Variants in IL1RAPL1 observed in about 807,000 individuals in gnomAD.
The protein encoded by IL1RAPL1 is interleukin 1 receptor accessory protein like 1, also known as interleukin-1 receptor accessory protein-like 1.
In IL1RAPL1, 3 loss-of-function variants were observed where a neutral mutation model predicts 48.4. The observed-to-expected ratio is 0.06, with a 90% CI of 0.03 to 0.16. The LOEUF (loss-of-function observed/expected upper bound fraction) is 0.16, where lower values mean the gene tolerates loss of function less well. IL1RAPL1 is among the 10% of genes least tolerant of loss of function. The pLI, the probability that IL1RAPL1 is intolerant of heterozygous loss-of-function variation, is 1.00. For missense variants in IL1RAPL1, 349 were observed against 530.6 expected, an observed-to-expected ratio of 0.66 and a Z score of 3.36; for synonymous variants, 185 against 187.7, an observed-to-expected ratio of 0.99 and a Z score of 0.12.
rs149514014 is a variant in IL1RAPL1 at position 29,314,227 on chromosome X, G to C, written c.362+31010G>C. ...TGGTTGAAGGTAGATATTTTTTATA[G>C]AGTTTTGAGGGGGTCTAGGTTCAAG... On this transcript the variant is annotated intron_variant, in intron 3 of 10. Transcript: ENST00000378993. 1.8e-4 allele frequency among the ~76,000 whole-genome samples: 20 copies of C among 111,955 alleles called. No homozygotes were observed. In the East Asian group the frequency reaches 5.1e-3, roughly 28 times the overall value.
At chrX:29,134,661 A>T (rs1790258408) in intron 2 of IL1RAPL1, among the ~76,000 whole-genome samples, 2 of 111,141 alleles carry the variant, frequency 1.8e-5, no homozygotes, top group African/African-American at 6.5e-5. Context: ...GTCTAGCATA[A>T]ATCCCTCAGG....
At chrX:29,827,329 T>C (rs1211784814) in intron 6 of IL1RAPL1, among the ~76,000 whole-genome samples, 2 of 112,609 alleles carry the variant, frequency 1.8e-5, no homozygotes, top group Non-Finnish European at 3.7e-5. Flanking sequence ...GAAGAACTTA[T>C]TCCACAAGAT....
At chrX:29,622,692 AT>A (rs1924497232) in intron 5 of IL1RAPL1, among the ~76,000 whole-genome samples, 2 of 111,213 alleles carry the variant, frequency 1.8e-5, no homozygotes, top group South Asian at 7.6e-4. Flanking sequence ...TCTGAAGAGT[AT>A]TTTTTTAATT....
At chrX:29,673,435 T>C (rs1385811296) in intron 6 of IL1RAPL1, among the ~76,000 whole-genome samples, 1 of 111,438 alleles carries the variant, frequency 9.0e-6, no homozygotes, top group African/African-American at 3.3e-5. Context: ...CGCTACTGGT[T>C]GTCATAAGCA....
In IL1RAPL1 at chrX:28,808,782, T is replaced by G. The variant is rs932461197; in HGVS notation, c.82+19357T>G. Reference sequence around the variant, plus strand: ...AGCCAAAAGAGGTTACGTTACTCTTTGCAATTATTATTTTTAGGAGAAGGA... The same window carrying G: ...AGCCAAAAGAGGTTACGTTACTCTTGGCAATTATTATTTTTAGGAGAAGGA... On this transcript the variant is annotated intron_variant, in intron 2 of 10. Coordinates refer to ENST00000378993, the MANE Select transcript of IL1RAPL1 (RefSeq NM_014271.4). 7.2e-5 allele frequency among the ~76,000 whole-genome samples: 8 copies of G among 111,078 alleles called. No individual in the cohort carries two copies. In the East Asian group the frequency reaches 2.3e-3, roughly 31 times the overall value.
At chrX:28,912,913 G>A (rs1293757139) in intron 2 of IL1RAPL1, among the ~76,000 whole-genome samples, 1 of 111,432 alleles carries the variant, frequency 9.0e-6, no homozygotes, top group Non-Finnish European at 1.9e-5. Flanking sequence ...CATCCAGAGT[G>A]TTTCCATTAA....
At chrX:28,961,009 C>CAAA (rs397947609) in intron 2 of IL1RAPL1, among the ~76,000 whole-genome samples, 407 of 17,462 alleles carry the variant, frequency 0.023, 115 homozygotes, top group African/African-American at 0.036. Context: ...GACTCCGTCT[C>CAAA]AAAAAAAAAA....
chrX:29,115,025 A>G (rs1274959569), intron 2 of IL1RAPL1, among the ~76,000 whole-genome samples: 1 of 111,602 alleles, frequency 9.0e-6, no homozygotes, highest in Non-Finnish European at 1.9e-5. Context: ...AAGGACCTCA[A>G]ATATTTTGCT....
chrX:29,912,801 A>C (rs1214509419), intron 6 of IL1RAPL1, among the ~76,000 whole-genome samples: 2 of 112,215 alleles, frequency 1.8e-5, no homozygotes, highest in African/African-American at 6.5e-5. Context: ...ATCCTAGTTC[A>C]TTGGCCAAAG....
chrX:29,766,342 A>AT lies in IL1RAPL1; in HGVS notation c.778+97838_778+97839insT, dbSNP rs1555918099. On this transcript the variant is annotated intron_variant, in intron 6 of 10. Coordinates refer to ENST00000378993, the MANE Select transcript of IL1RAPL1 (RefSeq NM_014271.4). ...GACTCCGTCTCAAAAAAAAAAAAAA[A>AT]ATATATATATATATATATATAGATA... is the stretch of plus-strand genomic sequence containing the variant. 6.2e-3 allele frequency among the ~76,000 whole-genome samples: 295 copies of AT among 47,494 alleles called. 2 individuals carry two copies. Among genetic ancestry groups the AT allele is most frequent in the South Asian group, 0.023 (23 of 992 alleles). The allele number at this position is 47,494 out of a possible 115,157, so 41.2% of individuals were successfully genotyped here.
chrX:29,244,947 C>T (rs1931484179), intron 2 of IL1RAPL1, among the ~76,000 whole-genome samples: 1 of 108,374 alleles, frequency 9.2e-6, no homozygotes, highest in African/African-American at 3.4e-5. Flanking sequence ...CCCGACAGGC[C>T]CTGGTGTGTG....
intron 2 of IL1RAPL1, among the ~76,000 whole-genome samples, chrX:29,019,275 A>C (rs1014029995): frequency 9.0e-6 from 1 of 111,709 alleles, no homozygotes; most frequent in East Asian, 2.8e-4. Context: ...GAATGATGAA[A>C]ATGTTCTGGA....
intron 2 of IL1RAPL1, among the ~76,000 whole-genome samples, chrX:28,815,884 TA>T (rs1936863784): frequency 1.4e-5 from 1 of 73,296 alleles, no homozygotes; most frequent in African/African-American, 4.7e-5. Flanking sequence ...TATATATATA[TA>T]ATTTTTTTCT....
At chrX:29,594,324 C>A (rs895352895) in intron 5 of IL1RAPL1, among the ~76,000 whole-genome samples, 2 of 111,369 alleles carry the variant, frequency 1.8e-5, no homozygotes, top group African/African-American at 6.5e-5. Flanking sequence ...CTTCTCTGTG[C>A]CTGTAGGGAT....
chrX:29,724,151 T>C (rs1292621715), intron 6 of IL1RAPL1, among the ~76,000 whole-genome samples: 1 of 111,408 alleles, frequency 9.0e-6, no homozygotes, highest in Admixed American at 9.6e-5. Flanking sequence ...GAAGATATTG[T>C]TATGCTTGGA....
At chrX:28,645,193 C>T (rs1275121238) in intron 1 of IL1RAPL1, among the ~76,000 whole-genome samples, 1 of 106,958 alleles carries the variant, frequency 9.3e-6, no homozygotes, top group Admixed American at 1.0e-4. Flanking sequence ...ACTAAAAATA[C>T]AAAATTAGTC....
chrX:29,922,226 C>T (rs73631671), intron 8 of IL1RAPL1, among the ~76,000 whole-genome samples: 22,248 of 110,462 alleles, frequency 0.2, 1,950 homozygotes, highest in African/African-American at 0.33. Flanking sequence ...AGCTATGAAA[C>T]CTTCCATTTC....
At chrX:29,757,116 T>C (rs1276616428) in intron 6 of IL1RAPL1, among the ~76,000 whole-genome samples, 1 of 112,457 alleles carries the variant, frequency 8.9e-6, no homozygotes, top group East Asian at 2.8e-4. Context: ...TACATGTCTG[T>C]TGTTTTAAGC....
intron 3 of IL1RAPL1, among the ~76,000 whole-genome samples, chrX:29,290,454 T>C (rs1415653789): frequency 8.9e-6 from 1 of 112,461 alleles, no homozygotes; most frequent in Non-Finnish European, 1.9e-5. Flanking sequence ...CATTTGAAAT[T>C]CAATATTTTC....
Sources: gnomAD v4.1 joint callset for allele counts (sites outside exome capture counted in the v4.1 genomes callset) on GRCh38, gnomAD v4.1.1 for gene constraint, MANE v1.5 for transcripts, NCBI Gene and HGNC (gene_info 2026-07-23, HGNC 2026-07-21) for gene names.